HOXB6: variants seen among roughly 807,000 people sequenced by gnomAD.
HOXB6 encodes homeobox B6.
A neutral mutation model predicts 24.2 loss-of-function variants in HOXB6; 18 were observed. The ratio of observed to expected loss-of-function variants is 0.74; its 90% CI spans 0.51 to 1.10. HOXB6 has a LOEUF of 1.10. HOXB6 is among the 50% of genes least tolerant of loss of function. The probability of loss-of-function intolerance (pLI) is 0.00; values close to 1 mark genes in which losing one functional copy is unlikely to be tolerated. For synonymous variants in HOXB6, 159 were observed against 139.1 expected (o/e 1.14, Z -1.01); for missense variants, 332 against 308.3 (o/e 1.08, Z -0.58).
intron 2 of HOXB6, chr17:48,600,339 A>G: frequency 2.4e-6 from 1 of 409,410 alleles, no homozygotes; most frequent in South Asian, 1.8e-5. Flanking sequence ...GTGAAGTCTG[A>G]ACAAAATAAG....
chr17:48,601,289 A>AATATTTCAACTCAATTCTCGTC (rs2070456362), intron 2 of HOXB6: 1 of 152,074 alleles, frequency 6.6e-6, no homozygotes, highest in African/African-American at 2.4e-5. Flanking sequence ...TTTAGATGAG[A>AATATTTCAACTCAATTCTCGTC]CACTTTGCCC....
chr17:48,600,786 T>C (rs2070442309), intron 2 of HOXB6, among the ~76,000 whole-genome samples: 1 of 152,140 alleles, frequency 6.6e-6, no homozygotes, highest in Non-Finnish European at 1.5e-5. Flanking sequence ...GAGAGATGGA[T>C]AGAAGTGTGT....
chr17:48,600,065 C>G lies in HOXB6; in HGVS notation c.-78-1837G>C, dbSNP rs149856923. Among the ~76,000 whole-genome samples, 1,414 of 152,320 alleles carry G rather than the reference C, an allele frequency of 9.3e-3. 9 individuals carry two copies. Among genetic ancestry groups the G allele is most frequent in the Admixed American group, 0.014 (212 of 15,310 alleles). On this transcript the variant is annotated intron_variant, in intron 2 of 3. Transcript: ENST00000225648. The stretch of plus-strand genomic sequence containing the variant: ...CCTCCAATTACTTCCTAACCTGACT[C>G]TGTGGGAGTGTTTGATAAGCATTTA...
chr17:48,602,522 T>C (rs910093731), intron 2 of HOXB6: 3 of 245,032 alleles, frequency 1.2e-5, no homozygotes, highest in Admixed American at 4.8e-5. Context: ...CCGCCAGGTT[T>C]GGGGCTAGGA....
intron 2 of HOXB6, 44 bp from the exon 3 acceptor site, chr17:48,598,272 T>G: frequency 9.8e-7 from 1 of 1,016,232 alleles, no homozygotes; most frequent in Non-Finnish European, 1.4e-6. Context: ...TGAGGGGGGA[T>G]GGCGAGGTGC....
intron 2 of HOXB6, among the ~76,000 whole-genome samples, chr17:48,600,905 C>T (rs1299517268): frequency 2.0e-5 from 3 of 152,158 alleles, no homozygotes; most frequent in Non-Finnish European, 2.9e-5. Flanking sequence ...CAAGCTAACA[C>T]ATTCCAGCTC....
intron 2 of HOXB6, among the ~76,000 whole-genome samples, chr17:48,601,087 A>G (rs1270486330): frequency 6.7e-6 from 1 of 149,506 alleles, no homozygotes; most frequent in African/African-American, 2.6e-5. Flanking sequence ...TCTAAGCTAT[A>G]AAGCCCTCTC....
intron 2 of HOXB6, among the ~76,000 whole-genome samples, chr17:48,598,516 G>A (rs1001697430): frequency 6.6e-6 from 1 of 152,052 alleles, no homozygotes; most frequent in Non-Finnish European, 1.5e-5. Flanking sequence ...CAGTGCCTTT[G>A]AGGGAGGAGG....
rs747431187 is a variant in HOXB6 at position 48,598,167 on chromosome 17, C to T, written c.-17G>A. 6.4e-7 allele frequency: 1 copy of T among 1,560,872 alleles called. No homozygotes were observed. The highest frequency in any genetic ancestry group is 1.4e-5 in the African/African-American group (1 of 73,558). On this transcript the variant is annotated 5_prime_UTR_variant, in exon 3 of 4. Coordinates refer to ENST00000225648, the MANE Select transcript of HOXB6 (RefSeq NM_018952.5). ...GGAACTCATTGGGAGGGGAGGCGCG[C>T]GCGGCCGCTGCTGCTCCGCCGGGTT...
In HOXB6 at chr17:48,596,239, C is replaced by G. The variant is rs2070283493; in HGVS notation, c.*174G>C. On this transcript the variant is annotated 3_prime_UTR_variant, in exon 4 of 4. Coordinates refer to ENST00000225648, the MANE Select transcript of HOXB6 (RefSeq NM_018952.5). This position sits in a 1 kb window ranked among gnomAD's most constrained non-coding sequence, Gnocchi z 4.8. ...TCGAGTAGTGAGGCCTCAGAGCACC[C>G]GCCGGGAGCTGTGCGGGCGGGGGCG... 1 of 997,904 alleles carries G rather than the reference C, an allele frequency of 1.0e-6. No homozygotes were observed. The highest frequency in any genetic ancestry group is 1.6e-5 in the African/African-American group (1 of 63,254). The allele number at this position is 997,904 out of a possible 1,614,324, so 61.8% of individuals were successfully genotyped here.
Position 48,598,187 on chromosome 17 carries a change from C to T in HOXB6, c.-37G>A, listed in dbSNP as rs765546686. 2.0e-5 allele frequency: 30 copies of T among 1,532,484 alleles called. No individual in the cohort carries two copies. The Admixed American group carries it at 2.0e-4, about 10-fold the overall frequency. The allele number at this position is 1,532,484 out of a possible 1,614,324, so 94.9% of individuals were successfully genotyped here. On this transcript the variant is annotated 5_prime_UTR_variant, in exon 3 of 4. Transcript: ENST00000225648. ...GCGCGCGCGGCCGCTGCTGCTCCGC[C>T]GGGTTTATGATTTGTTGTGTTTTAT...
intron 2 of HOXB6, chr17:48,602,004 A>T (rs978208688): frequency 1.2e-5 from 5 of 424,696 alleles, no homozygotes; most frequent in Non-Finnish European, 2.4e-5. Flanking sequence ...AGGAACGGAA[A>T]TTACGACGGT....
At position 48,596,367 on chromosome 17, in the gene HOXB6, C is replaced by G. The variant is rs753595392; in HGVS notation, c.*46G>C. ...CCGGGTCTCTCTGACGCCCTCGGCT[C>G]CCCACAGGCCTTTCCCCTCGCGTCC... On this transcript the variant is annotated 3_prime_UTR_variant, in exon 4 of 4. Transcript: ENST00000225648. The surrounding 1 kb of genome is among the most constrained non-coding windows in gnomAD (Gnocchi z 4.8). The G allele has an allele frequency of 1.9e-6, 3 of 1,613,796 alleles. No individual in the cohort carries two copies. In the South Asian group the frequency reaches 3.3e-5, roughly 18 times the overall value.
At chr17:48,603,024 G>A (rs981189324) in intron 2 of HOXB6, among the ~76,000 whole-genome samples, 1 of 152,216 alleles carries the variant, frequency 6.6e-6, no homozygotes, top group African/African-American at 2.4e-5. Context: ...AAGTGGCAGC[G>A]TCGTCCCTCT....
At position 48,596,635 on chromosome 17, in the gene HOXB6, C is replaced by T. The variant is rs762734700; in HGVS notation, c.453G>A (p.Gln151=). Residue 151 remains glutamine, a synonymous_variant, in exon 4 of 4, where the codon CAG becomes CAA. Transcript: ENST00000225648. The surrounding 1 kb of genome is among the most constrained non-coding windows in gnomAD (Gnocchi z 4.8). ...SFGPSGRRGR[Q]TYTRYQTLEL... ...CCAGCGTCTGGTAACGTGTGTATGT[C>T]TGGCGGCCTCGCCGGCCGCTGGGCC... 2 of 1,613,974 alleles carry T rather than the reference C, an allele frequency of 1.2e-6. No homozygotes were observed. Among genetic ancestry groups the T allele is most frequent in the East Asian group, 4.5e-5 (2 of 44,872 alleles).
rs2070296181 is a variant in HOXB6 at position 48,596,472 on chromosome 17, T to G, written c.616A>C (p.Lys206Gln). The change falls in exon 4 of 4, where the codon AAA becomes CAA. Residue 206 changes from lysine (K) to glutamine (Q), a missense_variant. Lys to Gln is a moderately conservative substitution (Grantham distance 53, BLOSUM62 1). Coordinates refer to ENST00000225648, the MANE Select transcript of HOXB6 (RefSeq NM_018952.5). This position sits in a 1 kb window ranked among gnomAD's most constrained non-coding sequence, Gnocchi z 4.8. ...CTGAGCTGAGACGCGCTGAGCAGTT[T>G]GCTCTCCTTTTTCCACTTCATGCGT... ...NRRMKWKKES[K>Q]LLSASQLSAE... The G allele has an allele frequency of 1.2e-6, 2 of 1,614,246 alleles. No individual in the cohort carries two copies. Among genetic ancestry groups the G allele is most frequent in the Non-Finnish European group, 1.7e-6 (2 of 1,180,040 alleles).
intron 2 of HOXB6, chr17:48,602,659 C>G: frequency 5.6e-6 from 1 of 179,414 alleles, no homozygotes; most frequent in South Asian, 1.2e-4. Flanking sequence ...TCCCCCGAAT[C>G]CCGTGGACCC....
Position 48,596,237 on chromosome 17 carries a change from CCCG to C in HOXB6, c.*173_*175del, listed in dbSNP as rs1484194033. ...GCTCGAGTAGTGAGGCCTCAGAGCA[CCCG>C]CCGGGAGCTGTGCGGGCGGGGGCGT... On this transcript the variant is annotated 3_prime_UTR_variant, in exon 4 of 4. Transcript: ENST00000225648. This position sits in a 1 kb window ranked among gnomAD's most constrained non-coding sequence, Gnocchi z 4.8. 3 of 983,912 alleles carry C rather than the reference CCCG, an allele frequency of 3.0e-6. No individual in the cohort carries two copies. The Admixed American group carries it at 5.4e-5, about 18-fold the overall frequency. The allele number at this position is 983,912 out of a possible 1,614,324, so 60.9% of individuals were successfully genotyped here. A position where few individuals can be genotyped will look rare whatever the true frequency, so the allele number is the denominator to read the frequency against.
At position 48,596,680 on chromosome 17, in the gene HOXB6, G is replaced by A. The variant is rs772427132; in HGVS notation, c.416-8C>T. On this transcript the variant is annotated splice_region_variant and splice_polypyrimidine_tract_variant and intron_variant, in intron 3 of 3. Coordinates refer to ENST00000225648, the MANE Select transcript of HOXB6 (RefSeq NM_018952.5). This position sits in a 1 kb window ranked among gnomAD's most constrained non-coding sequence, Gnocchi z 4.8. ...TGGGCCCAAAGGAGGAACCTGTTAC[G>A]CAGAGTGGAGATGCTGAGGCCTGCG... 61 of 1,611,226 alleles carry A rather than the reference G, an allele frequency of 3.8e-5. No individual in the cohort carries two copies. Among genetic ancestry groups the A allele is most frequent in the Non-Finnish European group, 4.7e-5 (55 of 1,180,010 alleles).
Sources: gnomAD v4.1 joint callset for allele counts (sites outside exome capture counted in the v4.1 genomes callset) on GRCh38, gnomAD v4.1.1 for gene constraint, Gnocchi (gnomAD v3.1) non-coding constraint, MANE v1.5 for transcripts, NCBI Gene and HGNC (gene_info 2026-07-23, HGNC 2026-07-21) for gene names.